Variants in GPC6 observed in about 807,000 individuals in gnomAD.
GPC6 encodes the protein glypican-6.
A neutral mutation model predicts 55.2 loss-of-function variants in GPC6; 14 were observed. The ratio of observed to expected loss-of-function variants is 0.25; its 90% CI spans 0.17 to 0.40. The LOEUF is 0.40. Ranked by LOEUF, GPC6 falls within the 10% of genes least tolerant of loss-of-function variation. The pLI is 1.00. For synonymous variants in GPC6, 278 were observed against 259.6 expected (o/e 1.07, Z -0.68); for missense variants, 641 against 708.5 (o/e 0.90, Z 1.08).
At chr13:93,979,155 T>C (rs917993601) in intron 3 of GPC6, among the ~76,000 whole-genome samples, 1 of 152,144 alleles carries the variant, frequency 6.6e-6, no homozygotes, top group African/African-American at 2.4e-5. Flanking sequence ...TCCAATATGG[T>C]ACTCACCAGC....
At chr13:93,475,200 A>C (rs1879259175) in intron 1 of GPC6, among the ~76,000 whole-genome samples, 1 of 152,148 alleles carries the variant, frequency 6.6e-6, no homozygotes, top group African/African-American at 2.4e-5. Flanking sequence ...AGCAACCACT[A>C]TGATGATTGA....
At chr13:93,821,702 T>A (rs1009030878) in intron 2 of GPC6, among the ~76,000 whole-genome samples, 5 of 152,202 alleles carry the variant, frequency 3.3e-5, no homozygotes, top group African/African-American at 1.2e-4. Context: ...TCACAGTAGA[T>A]GTACTATGTG....
intron 1 of GPC6, among the ~76,000 whole-genome samples, chr13:93,245,980 C>T (rs1460223793): frequency 6.6e-6 from 1 of 152,118 alleles, no homozygotes; most frequent in Non-Finnish European, 1.5e-5. Flanking sequence ...TTTCTTTCAC[C>T]ACAGGATCCT....
In GPC6 at chr13:93,794,021, G is replaced by A. The variant is rs940577092; in HGVS notation, c.320-36133G>A. Among the ~76,000 whole-genome samples, 66 of 152,118 alleles carry A rather than the reference G, an allele frequency of 4.3e-4. 3 individuals carry two copies. The highest frequency in any genetic ancestry group is 4.3e-3 in the Admixed American group (66 of 15,266). On this transcript the variant is annotated intron_variant, in intron 2 of 8. Coordinates refer to ENST00000377047, the MANE Select transcript of GPC6 (RefSeq NM_005708.5). ...TGTTTGTGCTTTGCTTTGACATAGGGATTATAATTTCAGTACTGCAAATGA... is the reference window on the plus strand; with the variant it reads ...TGTTTGTGCTTTGCTTTGACATAGGAATTATAATTTCAGTACTGCAAATGA...
At chr13:93,339,139 C>T (rs935200764) in intron 1 of GPC6, among the ~76,000 whole-genome samples, 1 of 152,156 alleles carries the variant, frequency 6.6e-6, no homozygotes, top group African/African-American at 2.4e-5. Flanking sequence ...CAGAGTGACT[C>T]ATTATGGTCA....
At chr13:93,938,994 C>T (rs150075279) in intron 3 of GPC6, among the ~76,000 whole-genome samples, 11 of 152,034 alleles carry the variant, frequency 7.2e-5, no homozygotes, top group African/African-American at 2.7e-4. Context: ...CCCACCTACT[C>T]GGGAGGCTGA....
chr13:93,287,061 T>C (rs771348691), intron 1 of GPC6, among the ~76,000 whole-genome samples: 2 of 152,202 alleles, frequency 1.3e-5, no homozygotes, highest in Admixed American at 6.5e-5. Flanking sequence ...ATGAGGCATA[T>C]TTGAAACATA....
Position 93,658,628 on chromosome 13 carries a change from T to G in GPC6, c.319+113207T>G, listed in dbSNP as rs534099322. Among the ~76,000 whole-genome samples the G allele has an allele frequency of 8.6e-5, 13 of 151,886 alleles. No homozygotes were observed. The South Asian group carries it at 2.7e-3, about 31-fold the overall frequency. On this transcript the variant is annotated intron_variant, in intron 2 of 8. Coordinates refer to ENST00000377047, the MANE Select transcript of GPC6 (RefSeq NM_005708.5). ...ATGTAATAGTTTACATTGATTGATT[T>G]CAAATATTGAAGCACTTTTGCCTTT...
chr13:93,801,091 AT>A lies in GPC6; in HGVS notation c.320-29062del, dbSNP rs1886353936. ...GTGGCCAAAATTCTGAAAAAGTCTA[AT>A]AAAAAGCATTGATACCTGTTTGGTA... On this transcript the variant is annotated intron_variant, in intron 2 of 8. Transcript: ENST00000377047. 3.9e-5 allele frequency among the ~76,000 whole-genome samples: 6 copies of A among 152,306 alleles called. No individual in the cohort carries two copies. In the South Asian group the frequency reaches 1.2e-3, roughly 32 times the overall value.
At chr13:93,302,982 A>G (rs566635035) in intron 1 of GPC6, among the ~76,000 whole-genome samples, 4 of 152,328 alleles carry the variant, frequency 2.6e-5, no homozygotes, top group Non-Finnish European at 4.4e-5. Context: ...AGAAAAACAG[A>G]ACATAAGCTA....
intron 4 of GPC6, among the ~76,000 whole-genome samples, chr13:94,241,330 T>C (rs942591753): frequency 2.0e-5 from 3 of 152,156 alleles, no homozygotes; most frequent in African/African-American, 7.2e-5. Flanking sequence ...ACTAAGACAC[T>C]ATGGCTTGGA....
intron 3 of GPC6, among the ~76,000 whole-genome samples, chr13:93,848,851 G>A (rs1038094306): frequency 1.3e-5 from 2 of 151,914 alleles, no homozygotes; most frequent in Admixed American, 6.6e-5. Context: ...CTTACTCATT[G>A]TGCCTTCCTC....
chr13:93,311,418 T>C (rs1879063804), intron 1 of GPC6, among the ~76,000 whole-genome samples: 1 of 152,280 alleles, frequency 6.6e-6, no homozygotes, highest in South Asian at 2.1e-4. Context: ...TGGACTCATC[T>C]TAAGTCAGGG....
chr13:93,315,470 C>A (rs546007170), intron 1 of GPC6, among the ~76,000 whole-genome samples: 2 of 151,892 alleles, frequency 1.3e-5, no homozygotes, highest in South Asian at 4.2e-4. Flanking sequence ...AAATTATTAG[C>A]TACTGAAAAT....
intron 2 of GPC6, among the ~76,000 whole-genome samples, chr13:93,740,598 C>G (rs746893556): frequency 2.0e-5 from 3 of 152,180 alleles, no homozygotes; most frequent in Non-Finnish European, 4.4e-5. Flanking sequence ...GACAGTATCA[C>G]ATTTGCTAAA....
chr13:93,560,066 A>C (rs1432392806), intron 2 of GPC6, among the ~76,000 whole-genome samples: 2 of 152,146 alleles, frequency 1.3e-5, no homozygotes, highest in Admixed American at 1.3e-4. Context: ...ACTCAATAAA[A>C]ACAGTGCAAC....
At position 93,964,546 on chromosome 13, in the gene GPC6, G is replaced by T. The variant is rs140931322; in HGVS notation, c.712-63183G>T. On this transcript the variant is annotated intron_variant, in intron 3 of 8. Coordinates refer to ENST00000377047, the MANE Select transcript of GPC6 (RefSeq NM_005708.5). ...AATCAAAAACAGATAAAAGAGGGGA[G>T]ACAATAATATTTGTGCACAGTAAAT... is the stretch of plus-strand genomic sequence containing the variant. 4.1e-3 allele frequency among the ~76,000 whole-genome samples: 621 copies of T among 152,280 alleles called. 9 individuals are homozygous for T. Among genetic ancestry groups the T allele is most frequent in the African/African-American group, 0.014 (592 of 41,558 alleles).
chr13:93,976,124 C>T (rs1338641121), intron 3 of GPC6, among the ~76,000 whole-genome samples: 1 of 152,124 alleles, frequency 6.6e-6, no homozygotes, highest in African/African-American at 2.4e-5. Flanking sequence ...CTTTTTTCTG[C>T]CCTGACAGTT....
At chr13:93,608,719 C>T (rs79593869) in intron 2 of GPC6, among the ~76,000 whole-genome samples, 2,831 of 152,222 alleles carry the variant, frequency 0.019, 89 homozygotes, top group African/African-American at 0.064. Flanking sequence ...TCTGTGCAAC[C>T]GCTGTCCTGC....
Sources: allele counts gnomAD v4.1 joint callset (sites outside exome capture counted in the v4.1 genomes callset), GRCh38; gene constraint gnomAD v4.1.1; transcripts MANE v1.5; gene names NCBI Gene and HGNC (gene_info 2026-07-23, HGNC 2026-07-21).